The following SIK2 variants were observed in gnomAD, a reference collection of about 807,000 sequenced individuals.
The protein encoded by SIK2 is serine/threonine-protein kinase SIK2.
Under a neutral mutation model 103.2 loss-of-function variants are expected in SIK2, and 29 were observed. That is an observed-to-expected ratio of 0.28 (90% confidence interval 0.21 to 0.38). SIK2 has a LOEUF of 0.38. Ranked by LOEUF, SIK2 falls within the 10% of genes least tolerant of loss-of-function variation. The probability of loss-of-function intolerance (pLI) is 1.00; values close to 1 mark genes in which losing one functional copy is unlikely to be tolerated. For synonymous variants in SIK2, 412 were observed against 446.1 expected (o/e 0.92, Z 0.96); for missense variants, 879 against 1,171.0 (o/e 0.75, Z 3.64).
At chr11:111,687,832 C>T (rs972951126) in intron 3 of SIK2, among the ~76,000 whole-genome samples, 169 bp from the exon 4 acceptor site, 1 of 152,018 alleles carries the variant, frequency 6.6e-6, no homozygotes, top group Non-Finnish European at 1.5e-5. Flanking sequence ...GTCTCGATCT[C>T]CTGACCTCGT....
At chr11:111,609,735 A>C (rs942154408) in intron 1 of SIK2, among the ~76,000 whole-genome samples, 5 of 152,198 alleles carry the variant, frequency 3.3e-5, no homozygotes, top group Admixed American at 6.5e-5. Flanking sequence ...AGAATTCTCT[A>C]TTTTACTACT....
At chr11:111,610,832 A>G (rs1941713958) in intron 1 of SIK2, among the ~76,000 whole-genome samples, 1 of 152,218 alleles carries the variant, frequency 6.6e-6, no homozygotes, top group African/African-American at 2.4e-5. Context: ...AAAATAATAC[A>G]TGTTCACTGA....
intron 3 of SIK2, among the ~76,000 whole-genome samples, chr11:111,662,919 G>A (rs1942486572): frequency 6.6e-6 from 1 of 151,028 alleles, no homozygotes; most frequent in African/African-American, 2.4e-5. Context: ...AGCAAGTGGT[G>A]AAGAGTACTA....
intron 3 of SIK2, among the ~76,000 whole-genome samples, chr11:111,641,104 T>C (rs1942177251): frequency 6.6e-6 from 1 of 152,168 alleles, no homozygotes; most frequent in Non-Finnish European, 1.5e-5. Context: ...TTAGCATGCA[T>C]TCTCTTTTTT....
Position 111,613,306 on chromosome 11 carries a change from C to T in SIK2, c.136-2937C>T, listed in dbSNP as rs535959899. ...TGCTGGGTTTTTAAAAACCATAATCCCTTCTTTCCATCTTCTTCTATTAGA... is the reference window on the plus strand; with the variant it reads ...TGCTGGGTTTTTAAAAACCATAATCTCTTCTTTCCATCTTCTTCTATTAGA... On this transcript the variant is annotated intron_variant, in intron 1 of 14. Transcript: ENST00000304987. Among the ~76,000 whole-genome samples, 53 of 151,954 alleles carry T rather than the reference C, an allele frequency of 3.5e-4. No homozygotes were observed. The South Asian group carries it at 0.011, about 31-fold the overall frequency.
chr11:111,726,872 G>T lies in SIK2; in HGVS notation c.*2743G>T. ...AACCAGGCTCCTCTGAAGAGACTTT[G>T]GTGAGATGAACGTGAGGTAAAAATT... On this transcript the variant is annotated 3_prime_UTR_variant, in exon 15 of 15. Transcript: ENST00000304987. 8.8e-7 allele frequency: 1 copy of T among 1,134,220 alleles called. No homozygotes were observed. Among genetic ancestry groups the T allele is most frequent in the Non-Finnish European group, 1.3e-6 (1 of 767,854 alleles). 70.3% of individuals were successfully genotyped at this position (1,134,220 alleles called of 1,614,324 possible).
chr11:111,691,917 A>G (rs938723687), intron 4 of SIK2, among the ~76,000 whole-genome samples: 1 of 152,238 alleles, frequency 6.6e-6, no homozygotes, highest in African/African-American at 2.4e-5. Flanking sequence ...TTAATATAAC[A>G]CAAAAAGATC....
intron 2 of SIK2, among the ~76,000 whole-genome samples, chr11:111,618,378 A>G (rs1036924895): frequency 6.6e-6 from 1 of 152,164 alleles, no homozygotes; most frequent in African/African-American, 2.4e-5. Context: ...ACTTTTATTG[A>G]TAGAGATTTT....
chr11:111,602,594 C>G lies in SIK2; in HGVS notation c.31C>G (p.Gln11Glu), dbSNP rs943163140. The change falls in exon 1 of 15, where the codon CAG becomes GAG. Residue 11 changes from glutamine (Q) to glutamate (E), a missense_variant. Gln to Glu is a conservative substitution (Grantham distance 29). Around this residue, in one of 7 missense-constraint regions of SIK2, gnomAD observed 47 missense variants for 43.9 expected, o/e 1.07. Coordinates refer to ENST00000304987, the MANE Select transcript of SIK2 (RefSeq NM_015191.3). The surrounding 1 kb of genome is among the most constrained non-coding windows in gnomAD (Gnocchi z 4.5). MVMADGPRHL[Q>E]RGPVRVGFYD... is the part of the protein sequence containing the mutation. ...CATGGCGGATGGCCCGAGGCACTTGCAGCGCGGGCCGGTCCGGGTGGGGTT... is the reference window on the plus strand; with the variant it reads ...CATGGCGGATGGCCCGAGGCACTTGGAGCGCGGGCCGGTCCGGGTGGGGTT... 35 of 1,531,196 alleles carry G rather than the reference C, an allele frequency of 2.3e-5. No homozygotes were observed. The highest frequency in any genetic ancestry group is 2.9e-5 in the Non-Finnish European group (33 of 1,139,072). The allele number at this position is 1,531,196 out of a possible 1,614,324, so 94.9% of individuals were successfully genotyped here.
At chr11:111,702,715 G>A (rs561849053) in intron 6 of SIK2, among the ~76,000 whole-genome samples, 3 of 152,286 alleles carry the variant, frequency 2.0e-5, no homozygotes, top group East Asian at 1.9e-4. Flanking sequence ...GCAGCAGTGC[G>A]GTTTTCTTGG....
At chr11:111,666,093 T>C (rs969020867) in intron 3 of SIK2, among the ~76,000 whole-genome samples, 1 of 152,212 alleles carries the variant, frequency 6.6e-6, no homozygotes, top group South Asian at 2.1e-4. Context: ...GTGCTTTCTG[T>C]TGAAATCTCC....
At chr11:111,608,988 A>G (rs1425332907) in intron 1 of SIK2, among the ~76,000 whole-genome samples, 1 of 97,772 alleles carries the variant, frequency 1.0e-5, no homozygotes, top group Admixed American at 1.2e-4. Flanking sequence ...AATATTCTTC[A>G]TTACTTTTAA....
chr11:111,699,306 C>T (rs192062077), intron 4 of SIK2, among the ~76,000 whole-genome samples: 20 of 152,314 alleles, frequency 1.3e-4, no homozygotes, highest in African/African-American at 3.4e-4. Flanking sequence ...CCTTGAAGCT[C>T]CCTCTAAACT....
Position 111,724,192 on chromosome 11 carries a change from A to G in SIK2, c.*63A>G. On this transcript the variant is annotated 3_prime_UTR_variant, in exon 15 of 15. Coordinates refer to ENST00000304987, the MANE Select transcript of SIK2 (RefSeq NM_015191.3). ...GAGTGTATGTTCCTATTTTTATTCC[A>G]GCCTTTTAAATTTAAAGCTTATTTT... 4 of 1,531,472 alleles carry G rather than the reference A, an allele frequency of 2.6e-6. No homozygotes were observed. Among genetic ancestry groups the G allele is most frequent in the Non-Finnish European group, 2.6e-6 (3 of 1,145,704 alleles). 94.9% of individuals were successfully genotyped at this position (1,531,472 alleles called of 1,614,324 possible). A position where few individuals can be genotyped will look rare whatever the true frequency, so the allele number is the denominator to read the frequency against.
intron 7 of SIK2, among the ~76,000 whole-genome samples, chr11:111,704,433 G>A (rs1347512739): frequency 1.3e-5 from 2 of 152,166 alleles, no homozygotes; most frequent in Non-Finnish European, 1.5e-5. Context: ...TTAAGAGGGT[G>A]GGACTGCAAA....
Position 111,722,846 on chromosome 11 carries a change from C to A in SIK2, c.2147+90C>A. 1 of 1,201,236 alleles carries A rather than the reference C, an allele frequency of 8.3e-7. No homozygotes were observed. The highest frequency in any genetic ancestry group is 1.2e-6 in the Non-Finnish European group (1 of 827,166). 74.4% of individuals were successfully genotyped at this position (1,201,236 alleles called of 1,614,324 possible). On this transcript the variant is annotated intron_variant, in intron 14 of 14. Transcript: ENST00000304987. This position sits in a 1 kb window ranked among gnomAD's most constrained non-coding sequence, Gnocchi z 4.4. ...TGTTGTCCTTTTCCTCTCACATTCG[C>A]CACTACTAGGAAAATAGGTTTTCTG... is the stretch of plus-strand genomic sequence containing the variant.
chr11:111,672,657 A>G (rs945930120), intron 3 of SIK2, among the ~76,000 whole-genome samples: 2 of 152,186 alleles, frequency 1.3e-5, no homozygotes, highest in Non-Finnish European at 2.9e-5. Flanking sequence ...ACTGTCAAGA[A>G]GCTGCTGACT....
chr11:111,604,407 TA>T (rs1483269163), intron 1 of SIK2, among the ~76,000 whole-genome samples: 3 of 152,264 alleles, frequency 2.0e-5, no homozygotes, highest in Non-Finnish European at 2.9e-5. Flanking sequence ...CAGTTCTTAA[TA>T]TTTTTTTCTC....
At chr11:111,624,350 T>C (rs1042018484) in intron 3 of SIK2, among the ~76,000 whole-genome samples, 4 of 152,234 alleles carry the variant, frequency 2.6e-5, no homozygotes, top group Non-Finnish European at 4.4e-5. Context: ...CTTAAAATAT[T>C]TGTTTTAGCT....
Sources: allele counts gnomAD v4.1 joint callset (sites outside exome capture counted in the v4.1 genomes callset), GRCh38; gene constraint gnomAD v4.1.1; regional missense constraint gnomAD v4.1.1; non-coding constraint Gnocchi (gnomAD v3.1); transcripts MANE v1.5; gene names NCBI Gene and HGNC (gene_info 2026-07-23, HGNC 2026-07-21).